The following LAMC3 variants were observed in gnomAD, a reference collection of about 807,000 sequenced individuals.
The protein encoded by LAMC3 is laminin subunit gamma-3.
A neutral mutation model predicts 173.8 loss-of-function variants in LAMC3; 128 were observed. The ratio of observed to expected loss-of-function variants is 0.74; its 90% CI spans 0.64 to 0.85. LAMC3 has a LOEUF of 0.85. Among genes scored for constraint, LAMC3 ranks in the 40% least tolerant of loss-of-function variants. The pLI is 0.00. For missense variants in LAMC3, 2,022 were observed against 2,156.0 expected (o/e 0.94, Z 1.23); for synonymous variants, 897 against 909.1 (o/e 0.99, Z 0.24).
At chr9:131,013,792 C>T (rs1370493371) in intron 1 of LAMC3, among the ~76,000 whole-genome samples, 3 of 152,106 alleles carry the variant, frequency 2.0e-5, no homozygotes, top group Admixed American at 6.5e-5. Context: ...GGGGTCTGGC[C>T]AGCCACAGCG....
In LAMC3 at chr9:131,087,820, A is replaced by G. The variant is rs202112145; in HGVS notation, c.4477+3A>G. ...GTCAGAGCTGCTTGCCAGGCTGGGTAAGGAGGCCCTAAGGCTGGGCCCTGA... is the reference window on the plus strand; with the variant it reads ...GTCAGAGCTGCTTGCCAGGCTGGGTGAGGAGGCCCTAAGGCTGGGCCCTGA... On this transcript the variant is annotated splice_donor_region_variant and intron_variant, in intron 27 of 27. Transcript: ENST00000361069. 104 of 1,613,410 alleles carry G rather than the reference A, an allele frequency of 6.4e-5. 2 individuals carry two copies. In the East Asian group the frequency reaches 2.2e-3, roughly 34 times the overall value.
At chr9:131,036,711 C>T (rs796910312) in intron 4 of LAMC3, among the ~76,000 whole-genome samples, 59 of 152,348 alleles carry the variant, frequency 3.9e-4, no homozygotes, top group African/African-American at 1.3e-3. Flanking sequence ...CCCACGGGCC[C>T]CCAGGCAGCC....
In LAMC3 at chr9:131,077,239, G is replaced by A; in HGVS notation, c.3682G>A (p.Val1228Met). Residue 1228 changes from valine to methionine, a missense_variant, in exon 22 of 28, where the codon GTG becomes ATG. By Grantham distance (21) the Val-to-Met change is conservative. Transcript: ENST00000361069. Reference sequence around the variant, plus strand: ...AGCACTGAGGACGGCTGTGGCAGAGGTGCTGCCTGAAGCGGAAAGCGTGTT... The same window carrying A: ...AGCACTGAGGACGGCTGTGGCAGAGATGCTGCCTGAAGCGGAAAGCGTGTT... ...QKALRTAVAE[V>M]LPEAESVLAT... 1.2e-6 allele frequency: 2 copies of A among 1,614,012 alleles called. No homozygotes were observed. Among genetic ancestry groups the A allele is most frequent in the South Asian group, 1.1e-5 (1 of 91,088 alleles).
intron 1 of LAMC3, among the ~76,000 whole-genome samples, chr9:131,010,217 C>T (rs1478484892): frequency 6.8e-6 from 1 of 146,502 alleles, no homozygotes; most frequent in African/African-American, 2.5e-5. Flanking sequence ...CCCAGCTACT[C>T]AAGAGGCTGA....
At chr9:131,023,526 A>T (rs1187299777) in intron 1 of LAMC3, among the ~76,000 whole-genome samples, 1 of 152,202 alleles carries the variant, frequency 6.6e-6, no homozygotes, top group Non-Finnish European at 1.5e-5. Flanking sequence ...CTGCTGGCCA[A>T]TGATGTGGAG....
At chr9:131,034,761 G>A (rs1030857631) in intron 3 of LAMC3, among the ~76,000 whole-genome samples, 2 of 152,188 alleles carry the variant, frequency 1.3e-5, no homozygotes, top group African/African-American at 4.8e-5. Flanking sequence ...GTCGGGACAG[G>A]GACAATCACT....
At chr9:131,085,946 C>G (rs1181068142) in intron 25 of LAMC3, 2 of 613,476 alleles carry the variant, frequency 3.3e-6, no homozygotes, top group Admixed American at 5.0e-5. Context: ...TGAGGTGCAG[C>G]CAGCTTCATG....
chr9:131,072,508 G>A, intron 18 of LAMC3, 122 bp from the exon 19 acceptor site: 1 of 815,538 alleles, frequency 1.2e-6, no homozygotes, highest in Non-Finnish European at 2.0e-6. Context: ...GGGACTACCT[G>A]TTGGTGCTCA....
Position 131,057,167 on chromosome 9 carries a change from A to T in LAMC3, c.2158+20A>T. 6.2e-7 allele frequency: 1 copy of T among 1,603,506 alleles called. No individual in the cohort carries two copies. The highest frequency in any genetic ancestry group is 8.5e-7 in the Non-Finnish European group (1 of 1,170,812). ...ACACAGGTGAGTCTCCTGGCACCCC[A>T]TCCGAAGGCACCTGGGTTATACCCA... On this transcript the variant is annotated intron_variant, in intron 12 of 27. Transcript: ENST00000361069.
rs959465059 is a variant in LAMC3 at position 131,052,385 on chromosome 9, C to T, written c.1631-106C>T. On this transcript the variant is annotated intron_variant, in intron 9 of 27. Coordinates refer to ENST00000361069, the MANE Select transcript of LAMC3 (RefSeq NM_006059.4). ...GAAGCTTTTGATTTTCTACCCACTG[C>T]ACTTTTATCTTTTTTGAATGTTTAG... is the stretch of plus-strand genomic sequence containing the variant. The T allele has an allele frequency of 7.5e-6, 8 of 1,071,118 alleles. No homozygotes were observed. The African/African-American group carries it at 1.1e-4, about 15-fold the overall frequency. 66.4% of individuals were successfully genotyped at this position (1,071,118 alleles called of 1,614,324 possible).
Position 131,085,724 on chromosome 9 carries a change from G to A in LAMC3, c.4230+1G>A, listed in dbSNP as rs112482808. 1 of 1,614,120 alleles carries A rather than the reference G, an allele frequency of 6.2e-7. No homozygotes were observed. The highest frequency in any genetic ancestry group is 2.2e-5 in the East Asian group (1 of 44,878). On this transcript the variant is annotated splice_donor_variant, in intron 25 of 27. Transcript: ENST00000361069. LOFTEE classifies it high-confidence loss of function. ...GGTGTTGGCCAAGGACAGTGCCAAGGTCAGGGTGGTGGCTGTGACAACAGT... is the reference window on the plus strand; with the variant it reads ...GGTGTTGGCCAAGGACAGTGCCAAGATCAGGGTGGTGGCTGTGACAACAGT...
chr9:131,057,281 A>G (rs1437217810), intron 12 of LAMC3, 134 bp downstream of exon 12: 8 of 757,920 alleles, frequency 1.1e-5, no homozygotes, highest in African/African-American at 1.7e-5. Context: ...GCGGGCACTG[A>G]GCTTTCCCGT....
chr9:131,046,516 GTATTT>G (rs1208486899), intron 8 of LAMC3, among the ~76,000 whole-genome samples: 9 of 38,756 alleles, frequency 2.3e-4, no homozygotes, highest in African/African-American at 8.3e-4. Flanking sequence ...GCTAATTTTT[GTATTT>G]TTTTTTTTTT....
chr9:131,079,040 C>T (rs1031704143), intron 22 of LAMC3, 109 bp from the exon 23 acceptor site: 20 of 1,394,176 alleles, frequency 1.4e-5, no homozygotes, highest in Middle Eastern at 2.2e-4. Context: ...TGGCTGGCAG[C>T]CAGGGGCAGA....
intron 23 of LAMC3, among the ~76,000 whole-genome samples, chr9:131,081,400 C>T (rs750717687): frequency 6.6e-5 from 10 of 151,926 alleles, no homozygotes; most frequent in Non-Finnish European, 1.2e-4. Flanking sequence ...AACAGATTTG[C>T]GATTTTCACA....
chr9:131,032,724 A>C (rs937615096), intron 3 of LAMC3, among the ~76,000 whole-genome samples: 3 of 151,948 alleles, frequency 2.0e-5, no homozygotes, highest in Non-Finnish European at 4.4e-5. Context: ...GCTGGAGTGC[A>C]GTGGTGCAAT....
chr9:131,036,377 G>A (rs1178620418), intron 4 of LAMC3, 45 bp downstream of exon 4: 4 of 1,609,486 alleles, frequency 2.5e-6, no homozygotes, highest in Non-Finnish European at 3.4e-6. Flanking sequence ...CGAGGCTGGT[G>A]TTGCAGGCGG....
At chr9:131,079,779 G>A (rs1367999184) in intron 23 of LAMC3, among the ~76,000 whole-genome samples, 2 of 152,022 alleles carry the variant, frequency 1.3e-5, no homozygotes, top group East Asian at 3.9e-4. Flanking sequence ...TAGGGGAGGG[G>A]ACCCTGATAC....
chr9:131,064,599 G>T (rs1176042438), intron 13 of LAMC3, among the ~76,000 whole-genome samples: 2 of 151,502 alleles, frequency 1.3e-5, no homozygotes, highest in Non-Finnish European at 2.9e-5. Flanking sequence ...GGGGGGCGGA[G>T]CCTGCAGTGA....
Sources: allele counts gnomAD v4.1 joint callset (sites outside exome capture counted in the v4.1 genomes callset), GRCh38; gene constraint gnomAD v4.1.1; transcripts MANE v1.5; gene names NCBI Gene and HGNC (gene_info 2026-07-23, HGNC 2026-07-21).